The following SLIT3 variants were observed in gnomAD, a reference collection of about 807,000 sequenced individuals.
SLIT3 encodes the protein slit guidance ligand 3.
Under a neutral mutation model 184.0 loss-of-function variants are expected in SLIT3, and 68 were observed. The observed-to-expected ratio is 0.37, with a 90% confidence interval of 0.30 to 0.45. The LOEUF (loss-of-function observed/expected upper bound fraction) is 0.45. SLIT3 is among the 20% of genes least tolerant of loss of function. The pLI, the probability that SLIT3 is intolerant of heterozygous loss-of-function variation, is 1.00. For missense variants in SLIT3, 1,707 were observed against 2,026.0 expected (o/e 0.84, Z 3.02); for synonymous variants, 831 against 828.6 (o/e 1.00, Z -0.05).
At chr5:168,982,716 A>T (rs900366582) in intron 4 of SLIT3, among the ~76,000 whole-genome samples, 3 of 152,162 alleles carry the variant, frequency 2.0e-5, no homozygotes, top group Admixed American at 2.0e-4. Context: ...GTTTTTATTA[A>T]TTAAGACAAT....
intron 4 of SLIT3, among the ~76,000 whole-genome samples, chr5:169,155,620 A>G (rs964066381): frequency 1.3e-5 from 2 of 152,192 alleles, no homozygotes; most frequent in African/African-American, 4.8e-5. Context: ...CTTCTGGGTA[A>G]CCTGGGGGAC....
chr5:168,747,711 A>G (rs770595645), intron 20 of SLIT3, among the ~76,000 whole-genome samples: 8 of 152,124 alleles, frequency 5.3e-5, no homozygotes, highest in Non-Finnish European at 1.2e-4. Flanking sequence ...CTGGTGCAGA[A>G]ACAGGACCTG....
At chr5:169,194,260 A>G (rs12520825) in intron 3 of SLIT3, among the ~76,000 whole-genome samples, 7,958 of 141,584 alleles carry the variant, frequency 0.056, 281 homozygotes, top group South Asian at 0.11. Context: ...AAAAAAAAAA[A>G]AAGAAGAAAA....
At chr5:168,902,398 G>A (rs1011879232) in intron 4 of SLIT3, among the ~76,000 whole-genome samples, 8 of 152,226 alleles carry the variant, frequency 5.3e-5, no homozygotes, top group East Asian at 1.9e-4. Context: ...CTTTTGTTAC[G>A]TGCTGTAAAG....
intron 14 of SLIT3, 185 bp downstream of exon 14, chr5:168,772,596 T>G (rs1327814130): frequency 1.2e-5 from 7 of 604,708 alleles, no homozygotes; most frequent in East Asian, 5.7e-5. Context: ...GTGTGTGTGT[T>G]TTATTTTAAA....
rs147487808 is a variant in SLIT3, at chr5:168,922,041, G to A, written c.414-38705C>T. ...ACCAACCATGCAAGGTTAATGAAAT[G>A]AACTCCATTTTACAGATGAGCAAAC... On this transcript the variant is annotated intron_variant, in intron 4 of 35. Transcript: ENST00000519560. Among the ~76,000 whole-genome samples, 11 of 152,286 alleles carry A rather than the reference G, an allele frequency of 7.2e-5. No individual in the cohort carries two copies. In the East Asian group the frequency reaches 2.1e-3, roughly 29 times the overall value.
chr5:168,704,675 A>C (rs530534534), intron 26 of SLIT3, among the ~76,000 whole-genome samples: 1 of 152,360 alleles, frequency 6.6e-6, no homozygotes, highest in South Asian at 2.1e-4. Flanking sequence ...AAGGCCTGGC[A>C]TTATAGTAGA....
At chr5:169,111,747 C>A (rs1434489712) in intron 4 of SLIT3, among the ~76,000 whole-genome samples, 1 of 152,148 alleles carries the variant, frequency 6.6e-6, no homozygotes, top group Non-Finnish European at 1.5e-5. Flanking sequence ...AGCAAAAACT[C>A]TGTCAAAAAA....
intron 4 of SLIT3, among the ~76,000 whole-genome samples, chr5:168,949,129 C>A (rs575877440): frequency 3.9e-5 from 6 of 152,280 alleles, no homozygotes; most frequent in Admixed American, 6.5e-5. Flanking sequence ...GGTCAGCTCA[C>A]CCCTGAACAA....
intron 4 of SLIT3, among the ~76,000 whole-genome samples, chr5:169,190,592 C>T (rs1269731327): frequency 6.6e-6 from 1 of 152,174 alleles, no homozygotes. Context: ...TGACTATAGA[C>T]TTTCCAAGAG....
Position 169,134,143 on chromosome 5 carries a change from C to T in SLIT3, c.413+59336G>A, listed in dbSNP as rs143711815. On this transcript the variant is annotated intron_variant, in intron 4 of 35. Coordinates refer to ENST00000519560, the MANE Select transcript of SLIT3 (RefSeq NM_003062.4). ...AAGCAACTGATTCCCCTATTCCACG[C>T]TTATCTGCTCAAATCTTCTCTCAAC... is the stretch of plus-strand genomic sequence containing the variant. 1.6e-4 allele frequency among the ~76,000 whole-genome samples: 24 copies of T among 152,328 alleles called. No individual in the cohort carries two copies. In the East Asian group the frequency reaches 4.4e-3, roughly 28 times the overall value.
At chr5:169,072,153 G>A (rs997800394) in intron 4 of SLIT3, among the ~76,000 whole-genome samples, 1 of 152,196 alleles carries the variant, frequency 6.6e-6, no homozygotes, top group Non-Finnish European at 1.5e-5. Context: ...CTGCAGTGAT[G>A]GAGGTATGGG....
At chr5:168,764,709 T>A (rs1755274829) in intron 14 of SLIT3, among the ~76,000 whole-genome samples, 1 of 152,154 alleles carries the variant, frequency 6.6e-6, no homozygotes, top group South Asian at 2.1e-4. Flanking sequence ...CCTGTCCTCC[T>A]TTCCTTCTCT....
At chr5:168,715,756 T>C (rs1470465307) in intron 23 of SLIT3, among the ~76,000 whole-genome samples, 1 of 152,054 alleles carries the variant, frequency 6.6e-6, no homozygotes, top group African/African-American at 2.4e-5. Flanking sequence ...CACTGCAACT[T>C]TTGCCTCTCC....
At chr5:168,802,171 G>C (rs1756789646) in intron 9 of SLIT3, among the ~76,000 whole-genome samples, 1 of 151,584 alleles carries the variant, frequency 6.6e-6, no homozygotes, top group Non-Finnish European at 1.5e-5. Flanking sequence ...AAGACATTTG[G>C]ATGTCTTTGG....
intron 4 of SLIT3, among the ~76,000 whole-genome samples, chr5:169,179,687 T>TAC (rs1763093928): frequency 1.4e-5 from 2 of 147,018 alleles, no homozygotes; most frequent in African/African-American, 2.7e-5. Flanking sequence ...TGCATGAGCA[T>TAC]ATGTGTGTGT....
chr5:169,109,740 G>A (rs1165258340), intron 4 of SLIT3, among the ~76,000 whole-genome samples: 1 of 152,126 alleles, frequency 6.6e-6, no homozygotes, highest in Non-Finnish European at 1.5e-5. Flanking sequence ...TTCCTGCAAA[G>A]CTCCCTATGT....
At chr5:168,832,440 C>T (rs1323957325) in intron 6 of SLIT3, among the ~76,000 whole-genome samples, 1 of 152,192 alleles carries the variant, frequency 6.6e-6, no homozygotes, top group Non-Finnish European at 1.5e-5. Context: ...GAGCCTGGCC[C>T]AGTGTTTGGC....
At chr5:168,872,474 G>A (rs1759560240) in intron 5 of SLIT3, among the ~76,000 whole-genome samples, 1 of 152,058 alleles carries the variant, frequency 6.6e-6, no homozygotes, top group African/African-American at 2.4e-5. Context: ...TTAATAGCAA[G>A]AGAAACTGTA....
Sources: gnomAD v4.1 joint callset for allele counts (sites outside exome capture counted in the v4.1 genomes callset) on GRCh38, gnomAD v4.1.1 for gene constraint, MANE v1.5 for transcripts, NCBI Gene and HGNC (gene_info 2026-07-23, HGNC 2026-07-21) for gene names.